Variants in HIP1R observed in about 807,000 individuals in gnomAD.
HIP1R encodes the protein huntingtin interacting protein 1 related, also known as huntingtin-interacting protein 1-related protein.
In HIP1R, 135 loss-of-function variants were observed where a neutral mutation model predicts 144.2. The observed-to-expected ratio is 0.94, with a 90% CI of 0.81 to 1.08. HIP1R has a LOEUF of 1.08. Among genes scored for constraint, HIP1R ranks in the 50% least tolerant of loss-of-function variants. The probability of loss-of-function intolerance (pLI) is 0.00; values close to 1 mark genes in which losing one functional copy is unlikely to be tolerated. For synonymous variants in HIP1R, 698 were observed against 612.8 expected, an observed-to-expected ratio of 1.14 and a Z score of -2.05; for missense variants, 1,462 against 1,432.8, an observed-to-expected ratio of 1.02 and a Z score of -0.33.
In HIP1R at chr12:122,862,672, G is replaced by GC. The variant is rs1179295762; in HGVS notation, c.*920dup. The GC allele has an allele frequency of 6.6e-6, 1 of 152,008 alleles. No individual in the cohort carries two copies. Among genetic ancestry groups the GC allele is most frequent in the Non-Finnish European group, 1.5e-5 (1 of 67,978 alleles). 9.4% of individuals were successfully genotyped at this position (152,008 alleles called of 1,614,324 possible). On this transcript the variant is annotated 3_prime_UTR_variant, in exon 32 of 32. Coordinates refer to ENST00000253083, the MANE Select transcript of HIP1R (RefSeq NM_003959.3). Reference sequence around the variant, plus strand: ...TGCGGCTAGAGTGGGCTAGGCCCTGGCTTTGCCCGTCAGATTTGAACGAAT... The same window carrying GC: ...TGCGGCTAGAGTGGGCTAGGCCCTGGCCTTTGCCCGTCAGATTTGAACGAAT...
In HIP1R at chr12:122,860,055, A is replaced by T. The variant is rs755977591; in HGVS notation, c.2474A>T (p.Asn825Ile). Reference sequence around the variant, plus strand: ...CTCCTTCTCTCCCCCAGGATCCTCAACTCCTGCACAGACCTGATGAAGGTG... The same window carrying T: ...CTCCTTCTCTCCCCCAGGATCCTCATCTCCTGCACAGACCTGATGAAGGTG... ...VKLEVNERIL[N>I]SCTDLMKAIR... is the part of the protein sequence containing the mutation. Residue 825 changes from asparagine (N) to isoleucine (I), a missense_variant, in exon 25 of 32, where the codon AAC becomes ATC. This residue lies in a region of HIP1R where 1,112 missense variants were observed against 1,011.7 expected (regional missense o/e 1.10). Coordinates refer to ENST00000253083, the MANE Select transcript of HIP1R (RefSeq NM_003959.3). The T allele has an allele frequency of 4.6e-5, 71 of 1,556,112 alleles. No homozygotes were observed. Among genetic ancestry groups the T allele is most frequent in the Non-Finnish European group, 6.2e-5 (71 of 1,151,844 alleles).
Position 122,861,706 on chromosome 12 carries a change from C to G in HIP1R, c.3160C>G (p.Leu1054Val). ...GACCCCCCACCTTTAACCCCTGCAG[C>G]TTGACAAAAAGGATGGCATCTACCC... ...PSVAPRQDHQ[L>V]DKKDGIYPAQ... The change falls in exon 32 of 32, where the codon CTT becomes GTT. Residue 1054 changes from leucine (L) to valine (V), a missense_variant and splice_region_variant. This residue lies in a region of HIP1R where 1,112 missense variants were observed against 1,011.7 expected (regional missense o/e 1.10). Transcript: ENST00000253083. The G allele has an allele frequency of 1.2e-6, 2 of 1,614,102 alleles. No individual in the cohort carries two copies. The highest frequency in any genetic ancestry group is 1.7e-6 in the Non-Finnish European group (2 of 1,179,996).
At chr12:122,845,545 T>G (rs1251467562) in intron 1 of HIP1R, among the ~76,000 whole-genome samples, 2 of 152,200 alleles carry the variant, frequency 1.3e-5, no homozygotes, top group African/African-American at 4.8e-5. Context: ...ACTGCATTCC[T>G]GGGGCCTCCC....
chr12:122,841,446 G>A (rs1979236), intron 1 of HIP1R, among the ~76,000 whole-genome samples: 16,567 of 152,248 alleles, frequency 0.11, 1,543 homozygotes, highest in African/African-American at 0.25. Context: ...AGGCAGGGCC[G>A]CGTCGTAAGT....
Position 122,857,083 on chromosome 12 carries a change from A to T in HIP1R, c.1683A>T (p.Gly561=). 1 of 1,551,528 alleles carries T rather than the reference A, an allele frequency of 6.4e-7. No individual in the cohort carries two copies. The highest frequency in any genetic ancestry group is 1.2e-5 in the South Asian group (1 of 84,112). ...TLSAEKDALS[G]AVRQREADLL... is the part of the protein sequence containing the mutation. ...GTGCGGAGAAGGATGCTCTGAGTGG[A>T]GCTGTGCGGCAGCGGGAGGCAGACC... Residue 561 remains glycine, a synonymous_variant, in exon 18 of 32, where the codon GGA becomes GGT. Coordinates refer to ENST00000253083, the MANE Select transcript of HIP1R (RefSeq NM_003959.3).
At position 122,859,063 on chromosome 12, in the gene HIP1R, C is replaced by T. The variant is rs1821736032; in HGVS notation, c.2161C>T (p.Leu721Phe). Residue 721 changes from leucine (L) to phenylalanine (F), a missense_variant and splice_region_variant, in exon 22 of 32, where the codon CTC (leucine) becomes TTC (phenylalanine). Around this residue, in one of 2 missense-constraint regions of HIP1R, gnomAD observed 1,112 missense variants for 1,011.7 expected, o/e 1.10. Coordinates refer to ENST00000253083, the MANE Select transcript of HIP1R (RefSeq NM_003959.3). ...CTCACGGTCCTTTCTCACCCCAGGC[C>T]TCATAGACACCTGCAGGGAGTGCGG... The part of the protein sequence containing the change: ...HLAPTDPADR[L>F]IDTCRECGAR... The T allele has an allele frequency of 1.9e-6, 3 of 1,606,314 alleles. No individual in the cohort carries two copies. Among genetic ancestry groups the T allele is most frequent in the Non-Finnish European group, 2.5e-6 (3 of 1,176,990 alleles).
intron 17 of HIP1R, 65 bp from the exon 18 acceptor site, chr12:122,856,956 T>TGG: frequency 1.0e-6 from 1 of 960,396 alleles, no homozygotes; most frequent in Admixed American, 3.3e-5. Flanking sequence ...TTTATAAGCG[T>TGG]GGGGGCAGGG....
At chr12:122,841,094 G>A (rs909565909) in intron 1 of HIP1R, among the ~76,000 whole-genome samples, 2 of 152,200 alleles carry the variant, frequency 1.3e-5, no homozygotes, top group African/African-American at 2.4e-5. Flanking sequence ...AACCTGAGAC[G>A]CCTTGGCTGC....
In HIP1R at chr12:122,858,262, G is replaced by A. The variant is rs756129539; in HGVS notation, c.1963+13G>A. ...ACCAGCTCCCCAGGTAGACAGTGGGGCCACACTCAGCCGCTCCCCTGCCTC... is the reference window on the plus strand; with the variant it reads ...ACCAGCTCCCCAGGTAGACAGTGGGACCACACTCAGCCGCTCCCCTGCCTC... On this transcript the variant is annotated intron_variant, in intron 19 of 31. Transcript: ENST00000253083. 4 of 1,577,982 alleles carry A rather than the reference G, an allele frequency of 2.5e-6. No individual in the cohort carries two copies. Among genetic ancestry groups the A allele is most frequent in the Non-Finnish European group, 3.5e-6 (4 of 1,156,254 alleles).
rs933628388 is a variant in HIP1R at position 122,856,306 on chromosome 12, A to G, written c.1363A>G (p.Ser455Gly). 1 of 1,613,888 alleles carries G rather than the reference A, an allele frequency of 6.2e-7. No homozygotes were observed. Among genetic ancestry groups the G allele is most frequent in the African/African-American group, 1.3e-5 (1 of 75,044 alleles). The change falls in exon 15 of 32, where the codon AGT (serine) becomes GGT (glycine). Residue 455 changes from serine (S) to glycine (G), a missense_variant. Coordinates refer to ENST00000253083, the MANE Select transcript of HIP1R (RefSeq NM_003959.3). ...CTACAACAAGCTGAAGGAAAAGCACAGTGAGCTCGTCCATGTGCACGCGGA... is the reference window on the plus strand; with the variant it reads ...CTACAACAAGCTGAAGGAAAAGCACGGTGAGCTCGTCCATGTGCACGCGGA... ...ARYNKLKEKH[S>G]ELVHVHAELL...
chr12:122,848,784 C>T lies in HIP1R; in HGVS notation c.301-12C>T. The T allele has an allele frequency of 1.2e-6, 2 of 1,613,162 alleles. No homozygotes were observed. The highest frequency in any genetic ancestry group is 1.7e-6 in the Non-Finnish European group (2 of 1,179,966). ...TGGACACTCCCCCACTCCCGTATTC[C>T]CTGCGCTGCAGGTGCTGCATGACTG... On this transcript the variant is annotated splice_polypyrimidine_tract_variant and intron_variant, in intron 3 of 31. Coordinates refer to ENST00000253083, the MANE Select transcript of HIP1R (RefSeq NM_003959.3).
rs567192142 is a variant in HIP1R at position 122,851,377 on chromosome 12, A to G, written c.577+80A>G. 2.5e-6 allele frequency: 3 copies of G among 1,218,648 alleles called. 1 individual carries two copies. Among genetic ancestry groups the G allele is most frequent in the South Asian group, 3.3e-5 (2 of 61,060 alleles). The allele number at this position is 1,218,648 out of a possible 1,614,324, so 75.5% of individuals were successfully genotyped here. ...ATGGGACGAGAAGAAAAAAGAAGACATGAGTGATCAGACCAACTGATCACT... is the reference window on the plus strand; with the variant it reads ...ATGGGACGAGAAGAAAAAAGAAGACGTGAGTGATCAGACCAACTGATCACT... On this transcript the variant is annotated intron_variant, in intron 7 of 31. Transcript: ENST00000253083.
upstream of HIP1R, among the ~76,000 whole-genome samples, chr12:122,835,182 T>A (rs1248481758): frequency 7.4e-5 from 3 of 40,296 alleles, no homozygotes; most frequent in Non-Finnish European, 1.4e-4. Flanking sequence ...ACCTTGTGAG[T>A]GAGGTGGGGG....
chr12:122,846,611 C>T (rs1459687188), intron 1 of HIP1R, among the ~76,000 whole-genome samples: 4 of 152,196 alleles, frequency 2.6e-5, no homozygotes, highest in African/African-American at 4.8e-5. Flanking sequence ...TGCATTTCCT[C>T]AGGTCGTGGT....
chr12:122,857,061 C>A lies in HIP1R; in HGVS notation c.1661C>A (p.Ala554Glu). The A allele has an allele frequency of 1.3e-6, 2 of 1,551,276 alleles. No individual in the cohort carries two copies. The highest frequency in any genetic ancestry group is 1.7e-6 in the Non-Finnish European group (2 of 1,147,740). ...ELSSRLDTLS[A>E]EKDALSGAVR... Reference sequence around the variant, plus strand: ...AGCTCACGGCTGGACACGCTGAGTGCGGAGAAGGATGCTCTGAGTGGAGCT... The same window carrying A: ...AGCTCACGGCTGGACACGCTGAGTGAGGAGAAGGATGCTCTGAGTGGAGCT... Residue 554 changes from alanine to glutamate, a missense_variant, in exon 18 of 32, where the codon GCG (alanine) becomes GAG (glutamate). Coordinates refer to ENST00000253083, the MANE Select transcript of HIP1R (RefSeq NM_003959.3).
At chr12:122,846,306 G>A (rs1330041990) in intron 1 of HIP1R, among the ~76,000 whole-genome samples, 1 of 152,186 alleles carries the variant, frequency 6.6e-6, no homozygotes, top group Admixed American at 6.5e-5. Flanking sequence ...CTTATTAGCT[G>A]TACAGACAAG....
chr12:122,839,139 A>C lies in HIP1R; in HGVS notation c.93+3496A>C, dbSNP rs1566100170. On this transcript the variant is annotated intron_variant, in intron 1 of 31. Coordinates refer to ENST00000253083, the MANE Select transcript of HIP1R (RefSeq NM_003959.3). ...TTTCTCCCTTCCCTTCCTCGGCTGA[A>C]AAGTTTAACATCTAGAGAAGAAAGC... Among the ~76,000 whole-genome samples, 3 of 152,222 alleles carry C rather than the reference A, an allele frequency of 2.0e-5. No homozygotes were observed. The South Asian group carries it at 6.2e-4, about 32-fold the overall frequency.
rs1450443094 is a variant in HIP1R, at chr12:122,855,551, G to A, written c.994G>A (p.Val332Met). 1 of 1,549,594 alleles carries A rather than the reference G, an allele frequency of 6.5e-7. No homozygotes were observed. The highest frequency in any genetic ancestry group is 8.7e-7 in the Non-Finnish European group (1 of 1,147,052). ...STGPPAGEPV[V>M]VADLFDQTFG... Reference sequence around the variant, plus strand: ...GGGTCACCATGCTTTGCTGTGGCAGGTGGTGGCTGACCTCTTCGATCAGAC... The same window carrying A: ...GGGTCACCATGCTTTGCTGTGGCAGATGGTGGCTGACCTCTTCGATCAGAC... Residue 332 changes from valine to methionine, a missense_variant and splice_region_variant, in exon 12 of 32, where the codon GTG becomes ATG. This residue lies in a region of HIP1R where 1,112 missense variants were observed against 1,011.7 expected (regional missense o/e 1.10). Transcript: ENST00000253083.
rs773554395 is a variant in HIP1R, at chr12:122,855,398, A to T, written c.986A>T (p.Glu329Val). The change falls in exon 11 of 32, where the codon GAG becomes GTG. Residue 329 changes from glutamate (E) to valine (V), a missense_variant. Glu to Val is a moderately radical substitution (Grantham distance 121, BLOSUM62 -2). Around this residue, in one of 2 missense-constraint regions of HIP1R, gnomAD observed 1,112 missense variants for 1,011.7 expected, o/e 1.10. Coordinates refer to ENST00000253083, the MANE Select transcript of HIP1R (RefSeq NM_003959.3). ...IEISTGPPAG[E>V]PVVVADLFDQ... is the part of the protein sequence containing the mutation. ...ATCAGCACAGGGCCCCCCGCGGGGG[A>T]GCCAGTGGTGAGCCCCCTGCCCAGC... 1.3e-6 allele frequency: 2 copies of T among 1,566,818 alleles called. No individual in the cohort carries two copies. Among genetic ancestry groups the T allele is most frequent in the East Asian group, 4.8e-5 (2 of 41,992 alleles).
Sources: allele counts gnomAD v4.1 joint callset (sites outside exome capture counted in the v4.1 genomes callset), GRCh38; gene constraint gnomAD v4.1.1; regional missense constraint gnomAD v4.1.1; transcripts MANE v1.5; gene names NCBI Gene and HGNC (gene_info 2026-07-23, HGNC 2026-07-21).